The following VCAN variants were observed in gnomAD, a reference collection of about 807,000 sequenced individuals.
VCAN encodes the protein versican core protein.
VCAN carries 44 observed loss-of-function variants against 245.5 expected under a neutral mutation model. That is an observed-to-expected ratio of 0.18 (90% CI 0.14 to 0.23). VCAN has a LOEUF of 0.23. Ranked by LOEUF, VCAN falls within the 10% of genes least tolerant of loss-of-function variation. The pLI is 1.00. For missense variants in VCAN, 3,793 were observed against 4,057.9 expected (o/e 0.93, Z 1.77); for synonymous variants, 1,413 against 1,437.0 (o/e 0.98, Z 0.38).
At chr5:83,490,056 G>A (rs374980959) in intron 2 of VCAN, 42 bp from the exon 3 acceptor site, 1 of 1,611,766 alleles carries the variant, frequency 6.2e-7, no homozygotes, top group South Asian at 1.1e-5. Context: ...TTAAGTTTGG[G>A]TTTTTTAAGA....
intron 7 of VCAN, among the ~76,000 whole-genome samples, chr5:83,526,674 T>G (rs963203971): frequency 6.6e-6 from 1 of 152,238 alleles, no homozygotes; most frequent in Non-Finnish European, 1.5e-5. Flanking sequence ...CTTTATCTCA[T>G]TACAATGATA....
chr5:83,489,714 A>G (rs1472055386), intron 2 of VCAN, among the ~76,000 whole-genome samples: 1 of 151,970 alleles, frequency 6.6e-6, no homozygotes, highest in Non-Finnish European at 1.5e-5. Context: ...TTCATCTTTC[A>G]GCTGCTCTTC....
In VCAN at chr5:83,520,758, A is replaced by G. The variant is rs748947582; in HGVS notation, c.2452A>G (p.Thr818Ala). 6.2e-7 allele frequency: 1 copy of G among 1,614,132 alleles called. No homozygotes were observed. The change falls in exon 7 of 15, where the codon ACA (threonine) becomes GCA (alanine). Residue 818 changes from threonine to alanine, a missense_variant. Coordinates refer to ENST00000265077, the MANE Select transcript of VCAN (RefSeq NM_004385.5). ...DNTTSKPLESTEPSASSKLPP... is the reference protein window; with the variant it reads ...DNTTSKPLESAEPSASSKLPP... The stretch of plus-strand genomic sequence containing the variant: ...TACAACATCCAAGCCTTTAGAGTCT[A>G]CAGAACCTTCAGCCTCTTCAAAATT...
At chr5:83,565,393 GTGTGT>G (rs1748035800) in intron 12 of VCAN, among the ~76,000 whole-genome samples, 3 of 8,606 alleles carry the variant, frequency 3.5e-4, no homozygotes, top group East Asian at 4.9e-3. Flanking sequence ...GTGTAAGGGT[GTGTGT>G]GTGTGTGTGT....
intron 12 of VCAN, among the ~76,000 whole-genome samples, chr5:83,563,869 G>A (rs1014847502): frequency 1.3e-5 from 2 of 151,674 alleles, no homozygotes; most frequent in Non-Finnish European, 2.9e-5. Context: ...GTGTGCTTAG[G>A]TGTTTATCTA....
chr5:83,553,422 T>C lies in VCAN; in HGVS notation c.9552T>C (p.Phe3184=), dbSNP rs566681550. The C allele has an allele frequency of 1.8e-5, 29 of 1,614,072 alleles. No homozygotes were observed. The African/African-American group carries it at 3.6e-4, about 20-fold the overall frequency. The part of the protein sequence containing the change: ...HKFQGQCYKY[F]AHRRTWDAAE... ...TCCAAGGGCAGTGCTACAAATACTT[T>C]GCCCATCGACGCACATGGGATGCAG... Residue 3184 remains phenylalanine (F), a synonymous_variant, in exon 11 of 15, where the codon TTT becomes TTC. Coordinates refer to ENST00000265077, the MANE Select transcript of VCAN (RefSeq NM_004385.5).
chr5:83,511,612 G>A (rs189718481), intron 5 of VCAN, among the ~76,000 whole-genome samples: 8 of 150,912 alleles, frequency 5.3e-5, no homozygotes, highest in Middle Eastern at 3.4e-3. Flanking sequence ...CCACTTTGTC[G>A]GTAGTTATAA....
intron 3 of VCAN, 105 bp downstream of exon 3, chr5:83,490,577 C>A: frequency 6.6e-7 from 1 of 1,504,804 alleles, no homozygotes. Context: ...TTTGGATGAG[C>A]GGAAAAACAC....
chr5:83,540,121 G>A lies in VCAN; in HGVS notation c.7118G>A (p.Arg2373Lys), dbSNP rs762156305. Residue 2373 changes from arginine (R) to lysine (K), a missense_variant, in exon 8 of 15, where the codon AGA becomes AAA. Physicochemically the swap from Arg to Lys is conservative, Grantham distance 26. Around this residue, in one of 5 missense-constraint regions of VCAN, gnomAD observed 3,182 missense variants for 3,250.3 expected, o/e 0.98. Coordinates refer to ENST00000265077, the MANE Select transcript of VCAN (RefSeq NM_004385.5). The part of the protein sequence containing the change: ...VRWAEEIQTS[R>K]PQTITEQDSN... Reference sequence around the variant, plus strand: ...TGGGCAGAAGAAATCCAGACTAGTAGACCACAAACCATAACTGAACAAGAC... The same window carrying A: ...TGGGCAGAAGAAATCCAGACTAGTAAACCACAAACCATAACTGAACAAGAC... The A allele has an allele frequency of 6.2e-7, 1 of 1,613,936 alleles. No individual in the cohort carries two copies. Among genetic ancestry groups the A allele is most frequent in the South Asian group, 1.1e-5 (1 of 91,074 alleles).
rs1269798350 is a variant in VCAN at position 83,541,585 on chromosome 5, C to T, written c.8582C>T (p.Pro2861Leu). Residue 2861 changes from proline (P) to leucine (L), a missense_variant, in exon 8 of 15, where the codon CCA becomes CTA. This residue lies in a region of VCAN where 3,182 missense variants were observed against 3,250.3 expected (regional missense o/e 0.98). Coordinates refer to ENST00000265077, the MANE Select transcript of VCAN (RefSeq NM_004385.5). Reference sequence around the variant, plus strand: ...GACGTCGGCTCATCTGTAATGTCCCCACAGGATTCTTTTAAGGAAATTCAT... The same window carrying T: ...GACGTCGGCTCATCTGTAATGTCCCTACAGGATTCTTTTAAGGAAATTCAT... The part of the protein sequence containing the change: ...GIDVGSSVMS[P>L]QDSFKEIHVN... The T allele has an allele frequency of 2.5e-6, 4 of 1,613,760 alleles. No individual in the cohort carries two copies. The South Asian group carries it at 4.4e-5, about 18-fold the overall frequency.
At chr5:83,514,967 T>C (rs1045110985) in intron 6 of VCAN, among the ~76,000 whole-genome samples, 1 of 152,232 alleles carries the variant, frequency 6.6e-6, no homozygotes. Flanking sequence ...TTTTCTTGTT[T>C]GCTTCTACCA....
intron 12 of VCAN, among the ~76,000 whole-genome samples, chr5:83,563,896 A>G (rs576752415): frequency 2.0e-5 from 3 of 152,266 alleles, no homozygotes; most frequent in African/African-American, 4.8e-5. Context: ...GACCTCTCCT[A>G]AGGATTTTAG....
chr5:83,498,200 C>A (rs1439079804), intron 5 of VCAN, among the ~76,000 whole-genome samples: 1 of 152,142 alleles, frequency 6.6e-6, no homozygotes, highest in Non-Finnish European at 1.5e-5. Context: ...ATCTCATATT[C>A]CCTCCTGAAG....
chr5:83,520,885 G>C lies in VCAN; in HGVS notation c.2579G>C (p.Ser860Thr), dbSNP rs931658666. 2 of 1,613,988 alleles carry C rather than the reference G, an allele frequency of 1.2e-6. No homozygotes were observed. The highest frequency in any genetic ancestry group is 3.3e-5 in the Admixed American group (2 of 60,000). Residue 860 changes from serine (S) to threonine (T), a missense_variant, in exon 7 of 15, where the codon AGT becomes ACT. Ser to Thr is a moderately conservative substitution (Grantham distance 58, BLOSUM62 1). This residue lies in a region of VCAN where 3,182 missense variants were observed against 3,250.3 expected (regional missense o/e 0.98). Coordinates refer to ENST00000265077, the MANE Select transcript of VCAN (RefSeq NM_004385.5). ...GATGAATTTACTCTTATTCCAGATAGTACTCAAAAGCAGTTAGAGGAGGTT... is the reference window on the plus strand; with the variant it reads ...GATGAATTTACTCTTATTCCAGATACTACTCAAAAGCAGTTAGAGGAGGTT... ...GADEFTLIPD[S>T]TQKQLEEVTD...
At chr5:83,512,629 T>C in intron 6 of VCAN, 2 of 544,632 alleles carry the variant, frequency 3.7e-6, no homozygotes, top group Non-Finnish European at 6.5e-6. Flanking sequence ...CAGGTTAAGC[T>C]GTAACTGTGC....
At chr5:83,491,243 C>A (rs535765915) in intron 3 of VCAN, among the ~76,000 whole-genome samples, 1 of 152,058 alleles carries the variant, frequency 6.6e-6, no homozygotes, top group African/African-American at 2.4e-5. Context: ...CCCTTGGAAG[C>A]GTAATATTTT....
chr5:83,518,826 T>C (rs1470957423), intron 6 of VCAN, among the ~76,000 whole-genome samples: 1 of 152,142 alleles, frequency 6.6e-6, no homozygotes, highest in Non-Finnish European at 1.5e-5. Flanking sequence ...TCATGTGGCT[T>C]TTTTGTTGTT....
At chr5:83,528,662 T>C (rs1412335152) in intron 7 of VCAN, among the ~76,000 whole-genome samples, 2 of 152,134 alleles carry the variant, frequency 1.3e-5, no homozygotes, top group Non-Finnish European at 2.9e-5. Context: ...TCCCATGAAG[T>C]ATCATGGTTC....
intron 5 of VCAN, among the ~76,000 whole-genome samples, chr5:83,506,434 T>C (rs1745486215): frequency 6.6e-6 from 1 of 152,224 alleles, no homozygotes; most frequent in South Asian, 2.1e-4. Flanking sequence ...CCAGTCTCTT[T>C]GCTAAAACAT....
Sources: allele counts gnomAD v4.1 joint callset (sites outside exome capture counted in the v4.1 genomes callset), GRCh38; gene constraint gnomAD v4.1.1; regional missense constraint gnomAD v4.1.1; transcripts MANE v1.5; gene names NCBI Gene and HGNC (gene_info 2026-07-23, HGNC 2026-07-21).